Variants in MCTP1 observed in about 807,000 individuals in gnomAD.
MCTP1 encodes multiple C2 and transmembrane domain containing 1.
Under a neutral mutation model 120.6 loss-of-function variants are expected in MCTP1, and 69 were observed. The observed-to-expected ratio is 0.57, with a 90% confidence interval of 0.47 to 0.70. MCTP1 has a LOEUF of 0.70. Among genes scored for constraint, MCTP1 ranks in the 30% least tolerant of loss-of-function variants. The probability of loss-of-function intolerance (pLI) is 0.00; values close to 1 mark genes in which losing one functional copy is unlikely to be tolerated. For missense variants in MCTP1, 1,203 were observed against 1,248.8 expected (o/e 0.96, Z 0.55); for synonymous variants, 529 against 493.1 (o/e 1.07, Z -0.96).
At chr5:95,271,037 C>T (rs922734610) in intron 1 of MCTP1, among the ~76,000 whole-genome samples, 1 of 151,972 alleles carries the variant, frequency 6.6e-6, no homozygotes. Flanking sequence ...TTCATGTACA[C>T]GTATGCAAAA....
chr5:94,789,545 T>C (rs914612323), intron 18 of MCTP1: 3 of 152,152 alleles, frequency 2.0e-5, no homozygotes, highest in African/African-American at 7.2e-5. Context: ...AAACCAAACA[T>C]GGAGTTACTA....
intron 1 of MCTP1, among the ~76,000 whole-genome samples, chr5:95,264,348 A>G (rs753466158): frequency 6.6e-6 from 1 of 152,244 alleles, no homozygotes; most frequent in African/African-American, 2.4e-5. Context: ...ATTCAGGAAG[A>G]AAAGCATTAA....
intron 1 of MCTP1, among the ~76,000 whole-genome samples, chr5:95,278,718 C>T (rs467049): frequency 0.86 from 130,900 of 152,080 alleles, 56,640 homozygotes; most frequent in African/African-American, 0.96. Flanking sequence ...ATCCCAACAC[C>T]TTGGGAGGCC....
intron 18 of MCTP1, chr5:94,788,719 A>T (rs1778278948): frequency 7.0e-6 from 1 of 142,348 alleles, no homozygotes; most frequent in Non-Finnish European, 1.5e-5. Context: ...GCTCTCTGCC[A>T]AGAGGAGAGT....
intron 17 of MCTP1, among the ~76,000 whole-genome samples, chr5:94,807,642 T>C (rs915089357): frequency 6.6e-6 from 1 of 152,152 alleles, no homozygotes; most frequent in Admixed American, 6.5e-5. Flanking sequence ...GAGCTGCCAC[T>C]TTCCTCCCTA....
intron 3 of MCTP1, among the ~76,000 whole-genome samples, chr5:94,952,053 T>TC (rs1820725599): frequency 1.3e-5 from 2 of 151,212 alleles, no homozygotes; most frequent in South Asian, 2.1e-4. Context: ...GTACCTGTAA[T>TC]CCCAGCTACT....
At chr5:95,125,067 G>A (rs1758522270) in intron 1 of MCTP1, among the ~76,000 whole-genome samples, 1 of 152,278 alleles carries the variant, frequency 6.6e-6, no homozygotes, top group South Asian at 2.1e-4. Context: ...TAAGGGTCAA[G>A]GATTTTTCAA....
chr5:95,011,592 G>C (rs1311255907), intron 2 of MCTP1, among the ~76,000 whole-genome samples: 1 of 151,016 alleles, frequency 6.6e-6, no homozygotes, highest in African/African-American at 2.4e-5. Flanking sequence ...TGGTTTAAAA[G>C]TGTGTGGCAC....
At chr5:94,757,938 T>C (rs1770328616) in intron 19 of MCTP1, among the ~76,000 whole-genome samples, 1 of 152,148 alleles carries the variant, frequency 6.6e-6, no homozygotes, top group African/African-American at 2.4e-5. Context: ...CAAGGGAGTC[T>C]TGGGAAACAG....
intron 1 of MCTP1, among the ~76,000 whole-genome samples, chr5:95,115,667 G>A (rs1199170641): frequency 6.6e-6 from 1 of 152,046 alleles, no homozygotes; most frequent in Admixed American, 6.6e-5. Flanking sequence ...AAATCTAAGA[G>A]TTATTGGCCT....
At chr5:94,992,791 C>G (rs1216044137) in intron 2 of MCTP1, among the ~76,000 whole-genome samples, 2 of 45,570 alleles carry the variant, frequency 4.4e-5, no homozygotes, top group Non-Finnish European at 1.7e-4. Flanking sequence ...CCTTCCCCAT[C>G]TCAACCTTCC....
intron 19 of MCTP1, among the ~76,000 whole-genome samples, chr5:94,750,146 GAGTACATCCCA>G (rs754612738): frequency 1.3e-5 from 2 of 152,128 alleles, no homozygotes; most frequent in Non-Finnish European, 2.9e-5. Context: ...ACATATTACA[GAGTACATCCCA>G]CCTTATGCTA....
intron 1 of MCTP1, chr5:95,154,416 T>C (rs1478813810): frequency 2.0e-5 from 3 of 152,330 alleles, no homozygotes; most frequent in South Asian, 2.1e-4. Flanking sequence ...TCCCTTGGTA[T>C]TGGTTTCCTC....
At chr5:94,867,901 T>C (rs1581112927) in intron 17 of MCTP1, 1 of 157,622 alleles carries the variant, frequency 6.3e-6, no homozygotes, top group South Asian at 2.0e-4. Flanking sequence ...CCAAGTAGCA[T>C]TGGTAGCATT....
chr5:94,999,531 C>T (rs955936483), intron 2 of MCTP1, among the ~76,000 whole-genome samples: 2 of 152,130 alleles, frequency 1.3e-5, no homozygotes, highest in Non-Finnish European at 1.5e-5. Context: ...AGAACAGTGT[C>T]AGATATTATA....
chr5:94,923,455 G>A (rs566485487), intron 7 of MCTP1, among the ~76,000 whole-genome samples: 2 of 152,244 alleles, frequency 1.3e-5, no homozygotes, highest in African/African-American at 4.8e-5. Flanking sequence ...TCATCATTTT[G>A]TCTTTATTTA....
chr5:94,821,846 A>C (rs1447765237), intron 17 of MCTP1, among the ~76,000 whole-genome samples: 2 of 152,198 alleles, frequency 1.3e-5, no homozygotes, highest in Non-Finnish European at 2.9e-5. Flanking sequence ...ATTTGATTGA[A>C]AAAAATCCAT....
chr5:95,037,263 T>G (rs1841497744), intron 1 of MCTP1, among the ~76,000 whole-genome samples: 1 of 152,236 alleles, frequency 6.6e-6, no homozygotes, highest in South Asian at 2.1e-4. Context: ...CTGGAAATAT[T>G]TCTTTAACTG....
intron 2 of MCTP1, among the ~76,000 whole-genome samples, chr5:95,003,238 C>T (rs1834070702): frequency 6.6e-6 from 1 of 152,104 alleles, no homozygotes; most frequent in African/African-American, 2.4e-5. Flanking sequence ...ACAGATGTAC[C>T]ATTTTTTATC....
Sources: allele counts gnomAD v4.1 joint callset (sites outside exome capture counted in the v4.1 genomes callset), GRCh38; gene constraint gnomAD v4.1.1; transcripts MANE v1.5; gene names NCBI Gene and HGNC (gene_info 2026-07-23, HGNC 2026-07-21).